PARD3: variants seen among roughly 807,000 people sequenced by gnomAD.
PARD3 encodes the protein par-3 family cell polarity regulator, also known as partitioning defective 3 homolog.
A neutral mutation model predicts 155.4 loss-of-function variants in PARD3; 75 were observed. That is an observed-to-expected ratio of 0.48 (90% CI 0.40 to 0.58). The LOEUF (loss-of-function observed/expected upper bound fraction) is 0.58. PARD3 is among the 20% of genes least tolerant of loss of function. The pLI is 0.00. For synonymous variants in PARD3, 576 were observed against 610.5 expected, an observed-to-expected ratio of 0.94 and a Z score of 0.83; for missense variants, 1,642 against 1,721.7, an observed-to-expected ratio of 0.95 and a Z score of 0.82.
chr10:34,356,668 A>G (rs772596974), intron 14 of PARD3, among the ~76,000 whole-genome samples: 38 of 152,230 alleles, frequency 2.5e-4, no homozygotes, highest in Non-Finnish European at 4.4e-4. Context: ...AATATTTACT[A>G]TAACATAATT....
At chr10:34,568,792 C>T (rs2086160125) in intron 2 of PARD3, among the ~76,000 whole-genome samples, 1 of 152,164 alleles carries the variant, frequency 6.6e-6, no homozygotes, top group South Asian at 2.1e-4. Flanking sequence ...TCAATTTCCT[C>T]AATTGTAAAA....
At chr10:34,810,791 T>C (rs1376696028) in intron 1 of PARD3, among the ~76,000 whole-genome samples, 1 of 152,200 alleles carries the variant, frequency 6.6e-6, no homozygotes, top group South Asian at 2.1e-4. Context: ...CCCAGGACTT[T>C]AGAGTTTCCC....
chr10:34,713,881 C>T (rs1185877649), intron 1 of PARD3, among the ~76,000 whole-genome samples: 1 of 152,080 alleles, frequency 6.6e-6, no homozygotes, highest in Non-Finnish European at 1.5e-5. Context: ...CCTCTGAGGC[C>T]TGGTAACTAT....
intron 5 of PARD3, among the ~76,000 whole-genome samples, chr10:34,420,428 A>G (rs924141408): frequency 2.0e-5 from 3 of 152,216 alleles, no homozygotes; most frequent in African/African-American, 7.2e-5. Context: ...TAGGAGACAG[A>G]TGCCCAAGAT....
chr10:34,668,889 T>C (rs2093554089), intron 2 of PARD3, among the ~76,000 whole-genome samples: 1 of 152,122 alleles, frequency 6.6e-6, no homozygotes, highest in African/African-American at 2.4e-5. Context: ...CAAAGATAGA[T>C]TGGGTATTAA....
chr10:34,795,620 C>T (rs1046826957), intron 1 of PARD3, among the ~76,000 whole-genome samples: 1 of 149,418 alleles, frequency 6.7e-6, no homozygotes, highest in Non-Finnish European at 1.5e-5. Context: ...AAAAAAAAAC[C>T]GGGCGTGGTG....
intron 22 of PARD3, among the ~76,000 whole-genome samples, chr10:34,217,701 G>A (rs545134073): frequency 6.6e-6 from 1 of 152,176 alleles, no homozygotes; most frequent in South Asian, 2.1e-4. Flanking sequence ...TGGCCTAAGG[G>A]TGAGATGCTT....
intron 5 of PARD3, among the ~76,000 whole-genome samples, chr10:34,439,658 T>C (rs1403198073): frequency 6.6e-6 from 1 of 152,054 alleles, no homozygotes; most frequent in Non-Finnish European, 1.5e-5. Context: ...GGTTTCATCA[T>C]GTTGGCAAGG....
chr10:34,469,789 G>A (rs2078235678), intron 4 of PARD3, among the ~76,000 whole-genome samples: 1 of 152,118 alleles, frequency 6.6e-6, no homozygotes, highest in Non-Finnish European at 1.5e-5. Context: ...GACTTTATAT[G>A]GCACATAATG....
At chr10:34,238,667 T>A (rs1275531083) in intron 22 of PARD3, among the ~76,000 whole-genome samples, 1 of 152,192 alleles carries the variant, frequency 6.6e-6, no homozygotes. Context: ...CTGAACACTT[T>A]AAAATCTCAG....
chr10:34,814,380 G>A (rs978639838), intron 1 of PARD3, among the ~76,000 whole-genome samples: 1 of 151,942 alleles, frequency 6.6e-6, no homozygotes, highest in African/African-American at 2.4e-5. Flanking sequence ...TAAGGGAGAG[G>A]AGGCAGAAGG....
At chr10:34,781,687 T>C (rs1407190517) in intron 1 of PARD3, among the ~76,000 whole-genome samples, 3 of 152,152 alleles carry the variant, frequency 2.0e-5, no homozygotes, top group South Asian at 2.1e-4. Context: ...TGCAGGAAAA[T>C]AGAACAAAAA....
intron 14 of PARD3, among the ~76,000 whole-genome samples, chr10:34,353,892 C>T (rs1838484646): frequency 6.6e-6 from 1 of 151,402 alleles, no homozygotes; most frequent in Non-Finnish European, 1.5e-5. Context: ...GTGAAATCAT[C>T]CTTTAAGGGC....
chr10:34,463,640 A>T (rs1055727080), intron 4 of PARD3, among the ~76,000 whole-genome samples: 6 of 152,208 alleles, frequency 3.9e-5, no homozygotes, highest in African/African-American at 1.4e-4. Flanking sequence ...TCACAAACCC[A>T]AATACAGCAA....
chr10:34,683,716 T>C (rs2093891044), intron 2 of PARD3, among the ~76,000 whole-genome samples: 1 of 151,956 alleles, frequency 6.6e-6, no homozygotes, highest in African/African-American at 2.4e-5. Flanking sequence ...GCCCAGCCCA[T>C]CCTGTGCAGG....
chr10:34,781,658 T>C (rs957799289), intron 1 of PARD3, among the ~76,000 whole-genome samples: 3 of 152,224 alleles, frequency 2.0e-5, no homozygotes, highest in African/African-American at 7.2e-5. Flanking sequence ...AGGTGGGGCC[T>C]CTGGGAGGAA....
Position 34,399,335 on chromosome 10 carries a change from G to T in PARD3, c.885C>A (p.Gly295=), listed in dbSNP as rs759131627. 1.9e-6 allele frequency: 3 copies of T among 1,597,606 alleles called. No homozygotes were observed. Among genetic ancestry groups the T allele is most frequent in the Non-Finnish European group, 2.6e-6 (3 of 1,165,148 alleles). The change falls in exon 7 of 25, where the codon GGC becomes GGA. Residue 295 remains glycine, a synonymous_variant. Coordinates refer to ENST00000374788, the MANE Select transcript of PARD3 (RefSeq NM_001184785.2). ...AAACCTCCAAGATACGTTACCTGCCGCCTCGAGCACTGAAAGGCACTACGT... is the reference window on the plus strand; with the variant it reads ...AAACCTCCAAGATACGTTACCTGCCTCCTCGAGCACTGAAAGGCACTACGT... ...GIHVVPFSAR[G]GRTLGLLVKR...
At chr10:34,730,438 A>G (rs1316134733) in intron 1 of PARD3, among the ~76,000 whole-genome samples, 3 of 152,202 alleles carry the variant, frequency 2.0e-5, no homozygotes, top group East Asian at 3.8e-4. Context: ...ACAATAATAT[A>G]GAAATCAGGG....
intron 1 of PARD3, among the ~76,000 whole-genome samples, chr10:34,730,528 A>G (rs1282799461): frequency 6.6e-6 from 1 of 152,224 alleles, no homozygotes; most frequent in Non-Finnish European, 1.5e-5. Flanking sequence ...TCACGCCTGT[A>G]ATCCCTACAC....
Sources: gnomAD v4.1 joint callset for allele counts (sites outside exome capture counted in the v4.1 genomes callset) on GRCh38, gnomAD v4.1.1 for gene constraint, MANE v1.5 for transcripts, NCBI Gene and HGNC (gene_info 2026-07-23, HGNC 2026-07-21) for gene names.